HSD17B12: variants seen among roughly 807,000 people sequenced by gnomAD.
HSD17B12 encodes the protein very-long-chain 3-oxoacyl-CoA reductase.
HSD17B12 carries 32 observed loss-of-function variants against 39.3 expected under a neutral mutation model. That is an observed-to-expected ratio of 0.81 (90% CI 0.61 to 1.09). The LOEUF (loss-of-function observed/expected upper bound fraction) is 1.09, where lower values mean the gene tolerates loss of function less well. Among genes scored for constraint, HSD17B12 ranks in the 50% least tolerant of loss-of-function variants. The pLI, the probability that HSD17B12 is intolerant of heterozygous loss-of-function variation, is 0.00. For synonymous variants in HSD17B12, 150 were observed against 146.7 expected (o/e 1.02, Z -0.16); for missense variants, 342 against 382.9 (o/e 0.89, Z 0.89).
chr11:43,769,777 G>T (rs1950631872), intron 3 of HSD17B12, among the ~76,000 whole-genome samples: 1 of 152,200 alleles, frequency 6.6e-6, no homozygotes, highest in Admixed American at 6.5e-5. Flanking sequence ...TTATGTGCCT[G>T]GATGTTAGAC....
chr11:43,832,893 G>C (rs1328350546), intron 7 of HSD17B12, among the ~76,000 whole-genome samples: 2 of 152,056 alleles, frequency 1.3e-5, no homozygotes, highest in African/African-American at 4.8e-5. Context: ...TTAGCTGGGC[G>C]TGGTGGCACA....
At chr11:43,660,807 A>C in the HSD17B12 span, among the ~76,000 whole-genome samples, 1 of 152,240 alleles carries the variant, frequency 6.6e-6, no homozygotes, top group African/African-American at 2.4e-5. Flanking sequence ...TGGCTAACAA[A>C]ATGAAATACT....
At chr11:43,755,762 G>C (rs997198146) in intron 3 of HSD17B12, among the ~76,000 whole-genome samples, 3 of 152,096 alleles carry the variant, frequency 2.0e-5, no homozygotes, top group Admixed American at 1.3e-4. Context: ...TTTCTTTCCA[G>C]ACCATAGCTG....
At chr11:43,610,267 A>C in the HSD17B12 span, among the ~76,000 whole-genome samples, 2 of 152,230 alleles carry the variant, frequency 1.3e-5, no homozygotes, top group African/African-American at 2.4e-5. Context: ...AAACAGTTAT[A>C]TCTTATGCAT....
intron 1 of HSD17B12, among the ~76,000 whole-genome samples, chr11:43,682,790 CT>C (rs11425876): frequency 2.7e-4 from 40 of 147,050 alleles, no homozygotes; most frequent in African/African-American, 2.2e-4. Flanking sequence ...CTTTTCTTTT[CT>C]TTTTTTTTTT....
chr11:43,766,413 T>G (rs1290966536), intron 3 of HSD17B12, among the ~76,000 whole-genome samples: 1 of 152,170 alleles, frequency 6.6e-6, no homozygotes, highest in Admixed American at 6.5e-5. Context: ...TGGAAACCAT[T>G]GCTTCATATA....
At chr11:43,627,538 G>A in the HSD17B12 span, among the ~76,000 whole-genome samples, 1 of 151,814 alleles carries the variant, frequency 6.6e-6, no homozygotes, top group African/African-American at 2.4e-5. Flanking sequence ...TCTTAAAGTA[G>A]TTGCCAATAT....
the HSD17B12 span, among the ~76,000 whole-genome samples, chr11:43,649,153 G>T: frequency 2.0e-5 from 3 of 151,640 alleles, no homozygotes; most frequent in Non-Finnish European, 2.9e-5. Context: ...TTGATTATAT[G>T]TAGTTTATAA....
intron 3 of HSD17B12, among the ~76,000 whole-genome samples, chr11:43,760,545 A>C (rs1950547384): frequency 6.6e-6 from 1 of 152,148 alleles, no homozygotes; most frequent in South Asian, 2.1e-4. Flanking sequence ...TAGAAATGTA[A>C]ATCTTACTGG....
At chr11:43,724,268 T>A (rs1457284496) in intron 1 of HSD17B12, among the ~76,000 whole-genome samples, 1 of 150,986 alleles carries the variant, frequency 6.6e-6, no homozygotes, top group Admixed American at 6.6e-5. Context: ...TGTTTTCGTT[T>A]ATTTACTTGT....
At chr11:43,701,476 CT>C (rs1949964196) in intron 1 of HSD17B12, among the ~76,000 whole-genome samples, 1 of 152,164 alleles carries the variant, frequency 6.6e-6, no homozygotes, top group Non-Finnish European at 1.5e-5. Context: ...AGGTCTTAGA[CT>C]TAAGTCTTTA....
At chr11:43,778,808 A>G (rs1950736689) in intron 3 of HSD17B12, among the ~76,000 whole-genome samples, 2 of 152,218 alleles carry the variant, frequency 1.3e-5, no homozygotes, top group Non-Finnish European at 2.9e-5. Flanking sequence ...AAAACTCTCA[A>G]TAAACTCAAA....
At chr11:43,845,687 G>A (rs991017762) in intron 9 of HSD17B12, among the ~76,000 whole-genome samples, 1 of 152,096 alleles carries the variant, frequency 6.6e-6, no homozygotes, top group African/African-American at 2.4e-5. Flanking sequence ...GGCCTCACGT[G>A]GGGAGACACA....
Position 43,760,109 on chromosome 11 carries a change from G to A in HSD17B12, c.283+5988G>A, listed in dbSNP as rs189805404. 4.1e-3 allele frequency among the ~76,000 whole-genome samples: 619 copies of A among 152,224 alleles called. 6 individuals are homozygous for A. Among genetic ancestry groups the A allele is most frequent in the African/African-American group, 0.013 (557 of 41,542 alleles). On this transcript the variant is annotated intron_variant, in intron 3 of 10. Transcript: ENST00000278353. ...ATGGGGGTTTCACCATATTGGCTAG[G>A]CTGGTCTTGAACTCCTGGCTTCATG... is the stretch of plus-strand genomic sequence containing the variant.
intron 6 of HSD17B12, among the ~76,000 whole-genome samples, chr11:43,827,695 A>AT (rs1951258748): frequency 1.3e-5 from 2 of 152,202 alleles, no homozygotes; most frequent in Non-Finnish European, 2.9e-5. Flanking sequence ...CAGCCAATGC[A>AT]TTTTTGCTGA....
At chr11:43,621,367 C>T in the HSD17B12 span, among the ~76,000 whole-genome samples, 1 of 152,114 alleles carries the variant, frequency 6.6e-6, no homozygotes, top group African/African-American at 2.4e-5. Flanking sequence ...ACATTGAACC[C>T]CTCTGGGAGG....
intron 3 of HSD17B12, among the ~76,000 whole-genome samples, chr11:43,791,254 G>A (rs763922177): frequency 3.9e-5 from 6 of 151,968 alleles, no homozygotes; most frequent in Admixed American, 6.6e-5. Context: ...GTTTTGGGCC[G>A]GGAGCAGTGG....
upstream of HSD17B12, among the ~76,000 whole-genome samples, chr11:43,678,805 G>T (rs1433630381): frequency 6.6e-6 from 1 of 152,088 alleles, no homozygotes; most frequent in East Asian, 1.9e-4. Flanking sequence ...TCTCTGTTTT[G>T]GTGCCAGTAC....
intron 7 of HSD17B12, chr11:43,833,114 A>G (rs566619000): frequency 6.6e-6 from 1 of 152,138 alleles, no homozygotes; most frequent in Admixed American, 6.5e-5. Flanking sequence ...TTCAGAAGCT[A>G]TGACTGAACC....
Sources: allele counts gnomAD v4.1 joint callset (sites outside exome capture counted in the v4.1 genomes callset), GRCh38; gene constraint gnomAD v4.1.1; transcripts MANE v1.5; gene names NCBI Gene and HGNC (gene_info 2026-07-23, HGNC 2026-07-21).